HIP1: variants seen among roughly 807,000 people sequenced by gnomAD.
HIP1 encodes huntingtin interacting protein 1.
A neutral mutation model predicts 147.6 loss-of-function variants in HIP1; 65 were observed. The ratio of observed to expected loss-of-function variants is 0.44; its 90% CI spans 0.36 to 0.54. The LOEUF is 0.54. HIP1 is among the 20% of genes least tolerant of loss of function. The pLI is 0.00. For synonymous variants in HIP1, 479 were observed against 504.0 expected, an observed-to-expected ratio of 0.95 and a Z score of 0.67; for missense variants, 1,061 against 1,299.6, an observed-to-expected ratio of 0.82 and a Z score of 2.82.
intron 1 of HIP1, among the ~76,000 whole-genome samples, chr7:75,636,807 A>G (rs1798441793): frequency 1.3e-5 from 2 of 152,198 alleles, no homozygotes; most frequent in Non-Finnish European, 2.9e-5. Flanking sequence ...GAGGTTTCCC[A>G]GTGCTTACGG....
intron 5 of HIP1, among the ~76,000 whole-genome samples, chr7:75,585,603 GCTT>G (rs1187402186): frequency 5.3e-5 from 8 of 150,904 alleles, no homozygotes; most frequent in African/African-American, 1.7e-4. Flanking sequence ...TCTCCCTCCT[GCTT>G]CTTCGCCTTG....
intron 1 of HIP1, among the ~76,000 whole-genome samples, chr7:75,631,057 G>A (rs1798196923): frequency 6.6e-6 from 1 of 152,124 alleles, no homozygotes; most frequent in African/African-American, 2.4e-5. Context: ...GGGCTCAAGT[G>A]ATCCACCTGC....
At chr7:75,646,240 C>T (rs924457593) in intron 1 of HIP1, among the ~76,000 whole-genome samples, 12 of 152,236 alleles carry the variant, frequency 7.9e-5, no homozygotes, top group East Asian at 1.9e-4. Flanking sequence ...CCACCACGCC[C>T]GGCTAATTTT....
At chr7:75,703,612 A>C (rs1285800417) in intron 1 of HIP1, among the ~76,000 whole-genome samples, 1 of 152,040 alleles carries the variant, frequency 6.6e-6, no homozygotes, top group Non-Finnish European at 1.5e-5. Context: ...CAAAAAAAAA[A>C]ACAAAACAAA....
chr7:75,586,822 G>A lies in HIP1; in HGVS notation c.396C>T (p.Ser132=), dbSNP rs140630088. The change falls in exon 5 of 31, where the codon AGC becomes AGT. Residue 132 remains serine (S), a synonymous_variant. Transcript: ENST00000336926. ...SDMSRMWGHL[S]EGYGQLCSIY... ...TGCTGCACAGCTGGCCATACCCCTC[G>A]CTCAGGTGGCCCTTTTAGGAAGAGG... is the stretch of plus-strand genomic sequence containing the variant. 27 of 1,611,218 alleles carry A rather than the reference G, an allele frequency of 1.7e-5. No homozygotes were observed. Among genetic ancestry groups the A allele is most frequent in the East Asian group, 2.2e-5 (1 of 44,866 alleles).
At chr7:75,574,359 C>T (rs1466831141) in intron 7 of HIP1, among the ~76,000 whole-genome samples, 7 of 151,032 alleles carry the variant, frequency 4.6e-5, no homozygotes, top group Admixed American at 1.3e-4. Context: ...GAGGCTGAGG[C>T]GGGTGGATCG....
Position 75,545,193 on chromosome 7 carries a change from G to A in HIP1, c.2560-5C>T, listed in dbSNP as rs1554490775. On this transcript the variant is annotated splice_region_variant and splice_polypyrimidine_tract_variant and intron_variant, in intron 25 of 30. Coordinates refer to ENST00000336926, the MANE Select transcript of HIP1 (RefSeq NM_005338.7). ...CTCTTTAGGGGATGCTGTACCCTAG[G>A]GAAATAAAAAATAGTAATAGCCACC... The A allele has an allele frequency of 1.3e-6, 2 of 1,570,170 alleles. No homozygotes were observed. Among genetic ancestry groups the A allele is most frequent in the South Asian group, 1.1e-5 (1 of 89,600 alleles).
chr7:75,567,785 G>A (rs934397908), intron 9 of HIP1, among the ~76,000 whole-genome samples: 1 of 146,548 alleles, frequency 6.8e-6, no homozygotes, highest in Non-Finnish European at 1.5e-5. Flanking sequence ...CCAGCCCGAA[G>A]ATAACCTCAC....
At chr7:75,600,317 G>T (rs13239722) in intron 1 of HIP1, among the ~76,000 whole-genome samples, 23,672 of 152,010 alleles carry the variant, frequency 0.16, 2,136 homozygotes, top group Middle Eastern at 0.27. Context: ...CGCCATGTTG[G>T]CCAGGCTGGT....
At chr7:75,712,844 A>G (rs902887543) in intron 1 of HIP1, among the ~76,000 whole-genome samples, 1 of 152,100 alleles carries the variant, frequency 6.6e-6, no homozygotes, top group Non-Finnish European at 1.5e-5. Flanking sequence ...TCATCCATTC[A>G]TTTATATACT....
chr7:75,660,003 G>A (rs1799258359), intron 1 of HIP1, among the ~76,000 whole-genome samples: 1 of 151,870 alleles, frequency 6.6e-6, no homozygotes. Context: ...GTGCGCACCT[G>A]TAGTCCCAGC....
rs587697000 is a variant in HIP1 at position 75,585,590 on chromosome 7, G to T, written c.465+1163C>A. Among the ~76,000 whole-genome samples, 6 of 151,314 alleles carry T rather than the reference G, an allele frequency of 4.0e-5. No individual in the cohort carries two copies. In the East Asian group the frequency reaches 1.2e-3, roughly 30 times the overall value. ...AAGCCCCCTCCCCTCCACACTCTCA[G>T]CCTCTCCCTCCTGCTTCTTCGCCTT... is the stretch of plus-strand genomic sequence containing the variant. On this transcript the variant is annotated intron_variant, in intron 5 of 30. Coordinates refer to ENST00000336926, the MANE Select transcript of HIP1 (RefSeq NM_005338.7).
chr7:75,636,266 G>A (rs938971279), intron 1 of HIP1, among the ~76,000 whole-genome samples: 3 of 149,914 alleles, frequency 2.0e-5, no homozygotes, highest in Admixed American at 6.7e-5. Context: ...CACGAGAATC[G>A]CCTGAACCCG....
intron 4 of HIP1, among the ~76,000 whole-genome samples, chr7:75,590,024 C>T (rs1015204939): frequency 3.3e-5 from 5 of 152,020 alleles, no homozygotes; most frequent in Admixed American, 2.0e-4. Context: ...TGAGCCACTG[C>T]GCCTGGCCAA....
chr7:75,553,285 C>G (rs1794856681), intron 22 of HIP1, among the ~76,000 whole-genome samples, 168 bp downstream of exon 22: 1 of 151,818 alleles, frequency 6.6e-6, no homozygotes, highest in African/African-American at 2.4e-5. Context: ...GGATTACACG[C>G]ATAAATCACT....
intron 1 of HIP1, among the ~76,000 whole-genome samples, chr7:75,608,716 C>T (rs587720121): frequency 3.2e-4 from 48 of 152,280 alleles, no homozygotes; most frequent in African/African-American, 1.1e-3. Flanking sequence ...AAGAGAACTC[C>T]TCATTATTAG....
chr7:75,568,997 ACT>A lies in HIP1; in HGVS notation c.746-743_746-742del, dbSNP rs376171829. 3.0e-3 allele frequency among the ~76,000 whole-genome samples: 453 copies of A among 151,994 alleles called. 3 individuals are homozygous for A. Among genetic ancestry groups the A allele is most frequent in the African/African-American group, 9.9e-3 (409 of 41,454 alleles). On this transcript the variant is annotated intron_variant, in intron 8 of 30. Coordinates refer to ENST00000336926, the MANE Select transcript of HIP1 (RefSeq NM_005338.7). This position sits in a 1 kb window ranked among gnomAD's most constrained non-coding sequence, Gnocchi z 4.1. The stretch of plus-strand genomic sequence containing the variant: ...GCACTCCAGCCTGGGCGACAGTGAG[ACT>A]CTGTCAAAAAAAAGAACAAGGGATT...
At chr7:75,560,479 T>C (rs1445890188) in intron 13 of HIP1, among the ~76,000 whole-genome samples, 1 of 152,184 alleles carries the variant, frequency 6.6e-6, no homozygotes, top group Non-Finnish European at 1.5e-5. Context: ...CTTGAACTGC[T>C]GGGCTCAAGT....
intron 6 of HIP1, 57 bp downstream of exon 6, chr7:75,582,018 G>C: frequency 7.2e-7 from 1 of 1,392,176 alleles, no homozygotes; most frequent in East Asian, 2.3e-5. Context: ...CTTATGAGAA[G>C]TGTCAGCATT....
Sources: gnomAD v4.1 joint callset for allele counts (sites outside exome capture counted in the v4.1 genomes callset) on GRCh38, gnomAD v4.1.1 for gene constraint, Gnocchi (gnomAD v3.1) non-coding constraint, MANE v1.5 for transcripts, NCBI Gene and HGNC (gene_info 2026-07-23, HGNC 2026-07-21) for gene names.